Variants in ZBTB49 observed in about 807,000 individuals in gnomAD.
ZBTB49 encodes zinc finger and BTB domain-containing protein 49.
In ZBTB49, 43 loss-of-function variants were observed where a neutral mutation model predicts 57.5. The ratio of observed to expected loss-of-function variants is 0.75; its 90% CI spans 0.59 to 0.97. The LOEUF is 0.97. Ranked by LOEUF, ZBTB49 falls within the 50% of genes least tolerant of loss-of-function variation. The pLI is 0.00. For missense variants in ZBTB49, 938 were observed against 947.7 expected (o/e 0.99, Z 0.13); for synonymous variants, 369 against 362.1 (o/e 1.02, Z -0.22).
chr4:4,296,316 T>G (rs1720202695), intron 1 of ZBTB49, among the ~76,000 whole-genome samples: 1 of 152,224 alleles, frequency 6.6e-6, no homozygotes, highest in Non-Finnish European at 1.5e-5. Flanking sequence ...TTTGACTGTG[T>G]CACCACCCAA....
chr4:4,306,509 T>C (rs1040172759), intron 4 of ZBTB49, among the ~76,000 whole-genome samples: 7 of 152,188 alleles, frequency 4.6e-5, no homozygotes, highest in Admixed American at 3.9e-4. Flanking sequence ...AGGCTGCACA[T>C]TGTGCTGGGT....
At chr4:4,310,326 T>C (rs953277858) in intron 4 of ZBTB49, among the ~76,000 whole-genome samples, 5 of 152,150 alleles carry the variant, frequency 3.3e-5, no homozygotes, top group African/African-American at 1.2e-4. Flanking sequence ...TCAGTCCCCA[T>C]TTTATGACCC....
At chr4:4,298,301 T>TA (rs902288192) in intron 1 of ZBTB49, among the ~76,000 whole-genome samples, 50 of 152,274 alleles carry the variant, frequency 3.3e-4, no homozygotes, top group African/African-American at 1.2e-3. Context: ...AAGTGAGAAG[T>TA]AAGGGGTGTG....
intron 7 of ZBTB49, among the ~76,000 whole-genome samples, chr4:4,319,646 C>T (rs1166192981): frequency 1.3e-5 from 2 of 151,968 alleles, no homozygotes; most frequent in East Asian, 3.8e-4. Flanking sequence ...CATGGCAAAA[C>T]CCCATCTCTA....
At chr4:4,293,267 A>G (rs1403797306) in intron 1 of ZBTB49, among the ~76,000 whole-genome samples, 1 of 147,058 alleles carries the variant, frequency 6.8e-6, no homozygotes, top group African/African-American at 2.7e-5. Context: ...AGTCGCAAAG[A>G]TGGAAGAGAA....
chr4:4,312,262 A>G (rs982867848), intron 4 of ZBTB49, among the ~76,000 whole-genome samples: 1 of 152,354 alleles, frequency 6.6e-6, no homozygotes, highest in East Asian at 1.9e-4. Flanking sequence ...GCAATGGAAG[A>G]TTTTCCAAAC....
rs1348839417 is a variant in ZBTB49, at chr4:4,302,155, C to T, written c.319C>T (p.Gln107Ter). 6.2e-7 allele frequency: 1 copy of T among 1,614,210 alleles called. No homozygotes were observed. The highest frequency in any genetic ancestry group is 8.5e-7 in the Non-Finnish European group (1 of 1,180,046). The stretch of plus-strand genomic sequence containing the variant: ...GGACACAGCACAGTGTTTGCAAGTT[C>T]AAAATGTTCTGAGTCTGTGTCACAC... ...MLDTAQCLQV[Q>*]NVLSLCHTFL... Residue 107 changes from glutamine (Q) to a stop codon, truncating the protein, a stop_gained, in exon 3 of 8, where the codon CAA becomes TAA. Transcript: ENST00000337872. LOFTEE classifies it high-confidence loss of function.
Position 4,315,924 on chromosome 4 carries a change from C to T in ZBTB49, c.1575C>T (p.His525=). 6.2e-7 allele frequency: 1 copy of T among 1,614,126 alleles called. No individual in the cohort carries two copies. The highest frequency in any genetic ancestry group is 8.5e-7 in the Non-Finnish European group (1 of 1,180,046). Residue 525 remains histidine, a synonymous_variant, in exon 7 of 8, where the codon CAC becomes CAT. Transcript: ENST00000337872. ...SFNMQRKLVK[H]RIRHTGERPY... The stretch of plus-strand genomic sequence containing the variant: ...ATATGCAAAGGAAGTTAGTAAAGCA[C>T]AGAATTCGGCACACGGGGGAGCGGC...
chr4:4,315,549 G>A (rs952756837), intron 5 of ZBTB49, 87 bp from the exon 6 acceptor site: 3 of 1,315,678 alleles, frequency 2.3e-6, no homozygotes, highest in Admixed American at 2.0e-5. Flanking sequence ...GTCAGGAGCA[G>A]GTATCTCCTC....
In ZBTB49 at chr4:4,320,993, A is replaced by G. The variant is rs1431941481; in HGVS notation, c.1975A>G (p.Ile659Val). Residue 659 changes from isoleucine to valine, a missense_variant, in exon 8 of 8, where the codon ATC becomes GTC. This residue lies in a region of ZBTB49 where 835 missense variants were observed against 819.1 expected (regional missense o/e 1.02). Coordinates refer to ENST00000337872, the MANE Select transcript of ZBTB49 (RefSeq NM_145291.4). ...CTCCTATTGTAAGTTACGGTCCATG[A>G]TCCAACCTCATGGAGTTAGTGACCA... ...GGSYCKLRSM[I>V]QPHGVSDQEK... The G allele has an allele frequency of 6.2e-7, 1 of 1,614,172 alleles. No individual in the cohort carries two copies. Among genetic ancestry groups the G allele is most frequent in the East Asian group, 2.2e-5 (1 of 44,872 alleles).
chr4:4,299,815 G>T, intron 1 of ZBTB49, 112 bp from the exon 2 acceptor site: 1 of 861,692 alleles, frequency 1.2e-6, no homozygotes, highest in Non-Finnish European at 1.6e-6. Flanking sequence ...GTGTGTGAGA[G>T]AGAAACTGTG....
chr4:4,298,099 A>G (rs1236583429), intron 1 of ZBTB49, among the ~76,000 whole-genome samples: 2 of 152,204 alleles, frequency 1.3e-5, no homozygotes, highest in African/African-American at 4.8e-5. Flanking sequence ...AAATGTTTAC[A>G]CAGGTAACCA....
chr4:4,319,496 C>A (rs1721319941), intron 7 of ZBTB49, among the ~76,000 whole-genome samples: 1 of 152,248 alleles, frequency 6.6e-6, no homozygotes, highest in East Asian at 1.9e-4. Flanking sequence ...GAAAATAGAA[C>A]CTGGACAGGA....
chr4:4,292,167 G>C (rs568505104), intron 1 of ZBTB49, among the ~76,000 whole-genome samples: 1 of 152,292 alleles, frequency 6.6e-6, no homozygotes, highest in Non-Finnish European at 1.5e-5. Context: ...TGTAATCCCA[G>C]CTACTCGGGA....
chr4:4,320,407 C>T (rs1175146087), intron 7 of ZBTB49, among the ~76,000 whole-genome samples: 1 of 151,944 alleles, frequency 6.6e-6, no homozygotes, highest in African/African-American at 2.4e-5. Flanking sequence ...GGGGAGAATC[C>T]TTCCAGAATG....
chr4:4,297,988 C>G (rs1312343646), intron 1 of ZBTB49, among the ~76,000 whole-genome samples: 1 of 152,216 alleles, frequency 6.6e-6, no homozygotes, highest in Non-Finnish European at 1.5e-5. Flanking sequence ...ACTGACAGAA[C>G]AAAACCCTGG....
rs563209011 is a variant in ZBTB49 at position 4,303,883 on chromosome 4, GAAC to G, written c.1255+798_1255+800del. 1.8e-4 allele frequency among the ~76,000 whole-genome samples: 28 copies of G among 151,866 alleles called. No homozygotes were observed. The East Asian group carries it at 5.2e-3, about 28-fold the overall frequency. On this transcript the variant is annotated intron_variant, in intron 3 of 7. Transcript: ENST00000337872. ...ATGAGTTTAATAGCACATTACAGAT[GAAC>G]AACAATTACCTTATAGGCATGAGAA...
intron 5 of ZBTB49, among the ~76,000 whole-genome samples, chr4:4,315,248 C>T (rs1442002778): frequency 6.6e-6 from 1 of 152,170 alleles, no homozygotes; most frequent in South Asian, 2.1e-4. Context: ...CGTGAGACCC[C>T]AGGAACCTTG....
At chr4:4,299,688 A>C (rs1720383422) in intron 1 of ZBTB49, among the ~76,000 whole-genome samples, 1 of 152,068 alleles carries the variant, frequency 6.6e-6, no homozygotes, top group Non-Finnish European at 1.5e-5. Flanking sequence ...GCCAGTGGCT[A>C]CTGTATTGAG....
Sources: gnomAD v4.1 joint callset for allele counts (sites outside exome capture counted in the v4.1 genomes callset) on GRCh38, gnomAD v4.1.1 for gene constraint, gnomAD v4.1.1 regional missense constraint, MANE v1.5 for transcripts, NCBI Gene and HGNC (gene_info 2026-07-23, HGNC 2026-07-21) for gene names.